Variants in ATR observed in about 807,000 individuals in gnomAD.
ATR encodes serine/threonine-protein kinase ATR.
A neutral mutation model predicts 305.3 loss-of-function variants in ATR; 142 were observed. The ratio of observed to expected loss-of-function variants is 0.47; its 90% confidence interval spans 0.41 to 0.53. The LOEUF is 0.53. Ranked by LOEUF, ATR falls within the 20% of genes least tolerant of loss-of-function variation. The pLI is 0.00. For missense variants in ATR, 2,135 were observed against 3,133.1 expected (o/e 0.68, Z 7.60); for synonymous variants, 1,050 against 1,068.1 (o/e 0.98, Z 0.33).
At chr3:142,523,886 A>C in intron 22 of ATR, 107 bp downstream of exon 22, 1 of 1,154,390 alleles carries the variant, frequency 8.7e-7, no homozygotes, top group Non-Finnish European at 1.2e-6. Flanking sequence ...GTCTGGTTCT[A>C]GGTGAAGCTT....
In ATR at chr3:142,505,030, C is replaced by T. The variant is rs148397694; in HGVS notation, c.5196+109G>A. 8.7e-3 allele frequency: 11,569 copies of T among 1,334,298 alleles called. 783 individuals carry two copies. The African/African-American group carries it at 0.15, about 17-fold the overall frequency. 82.7% of individuals were successfully genotyped at this position (1,334,298 alleles called of 1,614,324 possible). On this transcript the variant is annotated intron_variant, in intron 29 of 46. Transcript: ENST00000350721. Reference sequence around the variant, plus strand: ...CTGCACTCCAGCCTGGCCAACAGAGCGAGACTCTGTCTCAAAAACAAAACA... The same window carrying T: ...CTGCACTCCAGCCTGGCCAACAGAGTGAGACTCTGTCTCAAAAACAAAACA...
intron 8 of ATR, 46 bp downstream of exon 8, chr3:142,558,578 A>C: frequency 1.3e-6 from 2 of 1,490,090 alleles, no homozygotes; most frequent in Middle Eastern, 1.8e-4. Flanking sequence ...AGATAGATAG[A>C]TAGATAAATA....
At chr3:142,529,920 C>A (rs1475895086) in intron 21 of ATR, among the ~76,000 whole-genome samples, 2 of 151,988 alleles carry the variant, frequency 1.3e-5, no homozygotes. Context: ...TCAATTTTCT[C>A]CAGGATACAA....
At chr3:142,537,234 T>C (rs1221209439) in intron 19 of ATR, among the ~76,000 whole-genome samples, 2 of 77,138 alleles carry the variant, frequency 2.6e-5, no homozygotes, top group African/African-American at 8.8e-5. Flanking sequence ...GATTACAGGC[T>C]CTTTTTGCTT....
intron 10 of ATR, among the ~76,000 whole-genome samples, chr3:142,555,088 T>G (rs1193340135): frequency 7.0e-6 from 1 of 142,854 alleles, no homozygotes; most frequent in South Asian, 2.3e-4. Context: ...ATGCAAAAAT[T>G]TGCCAGGCCT....
chr3:142,524,389 C>A (rs892449998), intron 21 of ATR, among the ~76,000 whole-genome samples, 190 bp from the exon 22 acceptor site: 1 of 152,096 alleles, frequency 6.6e-6, no homozygotes, highest in Non-Finnish European at 1.5e-5. Flanking sequence ...ATGTCCTGTA[C>A]AATTAGAATC....
chr3:142,481,289 C>A (rs540446531), intron 36 of ATR, among the ~76,000 whole-genome samples: 121 of 152,214 alleles, frequency 7.9e-4, no homozygotes, highest in Non-Finnish European at 1.4e-3. Flanking sequence ...GCTTTCTCTG[C>A]ATCTATTGAG....
intron 30 of ATR, among the ~76,000 whole-genome samples, chr3:142,500,612 C>A (rs1398122898): frequency 6.6e-6 from 1 of 152,092 alleles, no homozygotes; most frequent in Non-Finnish European, 1.5e-5. Flanking sequence ...GTTTTCCTTG[C>A]TCTTTTTATT....
At chr3:142,549,926 G>C (rs1002479567) in intron 14 of ATR, among the ~76,000 whole-genome samples, 1 of 152,062 alleles carries the variant, frequency 6.6e-6, no homozygotes, top group Non-Finnish European at 1.5e-5. Flanking sequence ...AAGACATAAG[G>C]GCTCAAATAG....
At chr3:142,496,590 A>C in intron 33 of ATR, 70 bp from the exon 34 acceptor site, 2 of 1,512,536 alleles carry the variant, frequency 1.3e-6, no homozygotes, top group South Asian at 2.3e-5. Context: ...AACTTAAAAC[A>C]ATTTAAATCT....
chr3:142,478,301 G>T (rs1204147136), intron 36 of ATR, among the ~76,000 whole-genome samples: 1 of 152,056 alleles, frequency 6.6e-6, no homozygotes, highest in African/African-American at 2.4e-5. Context: ...CTTTGTTCTC[G>T]TTGGTTTCAA....
chr3:142,485,813 A>G (rs927889727), intron 35 of ATR, among the ~76,000 whole-genome samples: 8 of 152,228 alleles, frequency 5.3e-5, no homozygotes, highest in African/African-American at 1.7e-4. Context: ...ATTCCTTCAG[A>G]AGCAGGCTTC....
rs1430391406 is a variant in ATR, at chr3:142,485,300, G to A, written c.6079-18C>T. On this transcript the variant is annotated intron_variant, in intron 35 of 46. Transcript: ENST00000350721. The stretch of plus-strand genomic sequence containing the variant: ...GTCACATCCTATAAAAAAGAACATA[G>A]GATACCTACCTAAGGAAATCCCACG... The A allele has an allele frequency of 6.2e-7, 1 of 1,613,672 alleles. No homozygotes were observed. Among genetic ancestry groups the A allele is most frequent in the Admixed American group, 1.7e-5 (1 of 59,964 alleles).
At chr3:142,458,415 G>A (rs1035326582) in intron 44 of ATR, among the ~76,000 whole-genome samples, 1 of 152,172 alleles carries the variant, frequency 6.6e-6, no homozygotes, top group Non-Finnish European at 1.5e-5. Context: ...GTAGATGATG[G>A]AGGTGAAGAA....
chr3:142,479,552 G>A (rs1456490674), intron 36 of ATR, among the ~76,000 whole-genome samples: 1 of 152,130 alleles, frequency 6.6e-6, no homozygotes, highest in Non-Finnish European at 1.5e-5. Context: ...TGGTGAATCT[G>A]ACAATTATGT....
At chr3:142,502,175 A>C (rs1002592269) in intron 30 of ATR, among the ~76,000 whole-genome samples, 7 of 152,220 alleles carry the variant, frequency 4.6e-5, no homozygotes, top group Admixed American at 4.6e-4. Context: ...GAGATTTCCC[A>C]AAGAACTGAA....
intron 24 of ATR, among the ~76,000 whole-genome samples, chr3:142,517,443 C>T (rs954714677): frequency 6.6e-6 from 1 of 151,838 alleles, no homozygotes; most frequent in Non-Finnish European, 1.5e-5. Flanking sequence ...CCTAGGTCCT[C>T]TGGAGTAAAT....
intron 36 of ATR, among the ~76,000 whole-genome samples, chr3:142,474,727 T>C (rs1419253165): frequency 1.3e-5 from 2 of 152,138 alleles, no homozygotes; most frequent in East Asian, 3.8e-4. Context: ...TTTATCTCTC[T>C]TCTCGAATTG....
At chr3:142,492,993 A>T (rs1466721907) in intron 35 of ATR, 139 bp downstream of exon 35, 1 of 744,676 alleles carries the variant, frequency 1.3e-6, no homozygotes, top group Non-Finnish European at 2.1e-6. Context: ...TTATTTTGTG[A>T]TAATCCATAT....
Sources: allele counts gnomAD v4.1 joint callset (sites outside exome capture counted in the v4.1 genomes callset), GRCh38; gene constraint gnomAD v4.1.1; transcripts MANE v1.5; gene names NCBI Gene and HGNC (gene_info 2026-07-23, HGNC 2026-07-21).